OAS3: variants seen among roughly 807,000 people sequenced by gnomAD.
OAS3 encodes 2'-5'-oligoadenylate synthetase 3, also known as 2'-5'-oligoadenylate synthase 3.
OAS3 carries 107 observed loss-of-function variants against 113.0 expected under a neutral mutation model. The observed-to-expected ratio is 0.95, with a 90% CI of 0.81 to 1.11. The LOEUF (loss-of-function observed/expected upper bound fraction) is 1.11. OAS3 is among the 50% of genes most tolerant of loss of function. The pLI is 0.00. For synonymous variants in OAS3, 552 were observed against 573.6 expected (o/e 0.96, Z 0.54); for missense variants, 1,258 against 1,389.1 (o/e 0.91, Z 1.50).
Position 112,967,843 on chromosome 12 carries a change from A to T in OAS3, c.2866-93A>T, listed in dbSNP as rs902446768. On this transcript the variant is annotated intron_variant, in intron 13 of 15. Transcript: ENST00000228928. ...CTGGCACATGTAGGTGCTCAATAAA[A>T]GTTTTGGGGTTGCTTTGCCAAGTCC... 4.2e-6 allele frequency: 6 copies of T among 1,427,526 alleles called. No homozygotes were observed. In the Admixed American group the frequency reaches 1.5e-4, roughly 36 times the overall value. 88.4% of individuals were successfully genotyped at this position (1,427,526 alleles called of 1,614,324 possible).
At chr12:112,960,992 G>A (rs1201174972) in intron 7 of OAS3, 79 bp from the exon 8 acceptor site, 13 of 1,331,442 alleles carry the variant, frequency 9.8e-6, no homozygotes, top group East Asian at 2.4e-5. Context: ...TATTCATAAA[G>A]GCTGGTGAAT....
At chr12:112,969,057 T>G (rs1331644476) in intron 14 of OAS3, among the ~76,000 whole-genome samples, 1 of 152,198 alleles carries the variant, frequency 6.6e-6, no homozygotes, top group Admixed American at 6.5e-5. Context: ...CAGCTAGTAG[T>G]GTCCAAAGGT....
chr12:112,969,786 C>G (rs2043968053), intron 15 of OAS3, 31 bp downstream of exon 15: 16 of 1,609,164 alleles, frequency 9.9e-6, no homozygotes, highest in Non-Finnish European at 1.3e-5. Context: ...AAGGAAGTAC[C>G]CTTTAGGGGT....
In OAS3 at chr12:112,969,641, C is replaced by T; in HGVS notation, c.3138C>T (p.Gly1046=). The T allele has an allele frequency of 6.2e-7, 1 of 1,605,518 alleles. No homozygotes were observed. The highest frequency in any genetic ancestry group is 8.5e-7 in the Non-Finnish European group (1 of 1,176,006). The change falls in exon 15 of 16, where the codon GGC becomes GGT. Residue 1046 remains glycine (G), a synonymous_variant. Coordinates refer to ENST00000228928, the MANE Select transcript of OAS3 (RefSeq NM_006187.4). ...PIILDPADPT[G]NLGHNARWDL... The stretch of plus-strand genomic sequence containing the variant: ...TCCTGGATCCGGCTGACCCGACAGG[C>T]AACCTGGGCCACAATGCCCGCTGGG...
intron 3 of OAS3, chr12:112,944,964 G>A (rs1482388767): frequency 5.1e-6 from 2 of 392,730 alleles, no homozygotes; most frequent in Non-Finnish European, 9.7e-6. Flanking sequence ...ACAGTTTAAT[G>A]TACTCAGATA....
At chr12:112,950,044 A>T (rs574660547) in intron 6 of OAS3, among the ~76,000 whole-genome samples, 2 of 152,176 alleles carry the variant, frequency 1.3e-5, no homozygotes, top group South Asian at 4.1e-4. Context: ...ATAAAAATAA[A>T]ATTGCAGTCT....
chr12:112,944,447 C>T, intron 2 of OAS3, 29 bp from the exon 3 acceptor site: 2 of 1,613,614 alleles, frequency 1.2e-6, no homozygotes, highest in South Asian at 1.1e-5. Context: ...TCAGTGCCCT[C>T]CCTAACTCAC....
intron 6 of OAS3, 71 bp from the exon 7 acceptor site, chr12:112,950,622 G>A: frequency 6.4e-7 from 1 of 1,556,208 alleles, no homozygotes; most frequent in South Asian, 1.2e-5. Context: ...ATGGGGCGCA[G>A]GTGATGGGAT....
In OAS3 at chr12:112,949,690, G is replaced by A. The variant is rs536272901; in HGVS notation, c.1374+485G>A. Among the ~76,000 whole-genome samples the A allele has an allele frequency of 1.4e-3, 218 of 152,198 alleles. 1 individual carries two copies. Among genetic ancestry groups the A allele is most frequent in the South Asian group, 9.4e-3 (45 of 4,812 alleles). Reference sequence around the variant, plus strand: ...TCCTCTTCAAGTTTCTTGATCTGATGTCCTCGTCCACTGAGGCCTGACCAC... The same window carrying A: ...TCCTCTTCAAGTTTCTTGATCTGATATCCTCGTCCACTGAGGCCTGACCAC... On this transcript the variant is annotated intron_variant, in intron 6 of 15. Coordinates refer to ENST00000228928, the MANE Select transcript of OAS3 (RefSeq NM_006187.4).
At chr12:112,948,778 G>A in intron 5 of OAS3, 83 bp from the exon 6 acceptor site, 1 of 1,090,416 alleles carries the variant, frequency 9.2e-7, no homozygotes, top group Non-Finnish European at 1.3e-6. Flanking sequence ...CTGTACAAAG[G>A]GCGGGAGCTG....
rs1282863357 is a variant in OAS3, at chr12:112,954,929, A to G, written c.1657+3954A>G. On this transcript the variant is annotated intron_variant, in intron 7 of 15. Coordinates refer to ENST00000228928, the MANE Select transcript of OAS3 (RefSeq NM_006187.4). The surrounding 1 kb of genome is among the most constrained non-coding windows in gnomAD (Gnocchi z 4.0). ...CCTTGGGCAATATGGCCATTTTCACAATATTGATTCTTCCTATCCATGAGC... is the reference window on the plus strand; with the variant it reads ...CCTTGGGCAATATGGCCATTTTCACGATATTGATTCTTCCTATCCATGAGC... 6.6e-6 allele frequency among the ~76,000 whole-genome samples: 1 copy of G among 152,190 alleles called. No homozygotes were observed. The highest frequency in any genetic ancestry group is 1.5e-5 in the Non-Finnish European group (1 of 68,028).
At chr12:112,960,477 G>A (rs2043872165) in intron 7 of OAS3, among the ~76,000 whole-genome samples, 1 of 150,690 alleles carries the variant, frequency 6.6e-6, no homozygotes, top group Non-Finnish European at 1.5e-5. Flanking sequence ...AGACTCAATT[G>A]TAGCTTCCTC....
Position 112,972,939 on chromosome 12 carries a change from GATACA to G in OAS3, c.*2968_*2972del, listed in dbSNP as rs2043998757. ...TTAATTTTTAAAAAGTTTTTATTGA[GATACA>G]AGTCAATACCATAAAGCTCTCACCC... On this transcript the variant is annotated 3_prime_UTR_variant, in exon 16 of 16. Transcript: ENST00000228928. 1 of 151,184 alleles carries G rather than the reference GATACA, an allele frequency of 6.6e-6. No homozygotes were observed. Among genetic ancestry groups the G allele is most frequent in the East Asian group, 1.9e-4 (1 of 5,190 alleles). 9.4% of individuals were successfully genotyped at this position (151,184 alleles called of 1,614,324 possible).
chr12:112,961,767 T>C (rs186121709), intron 8 of OAS3, among the ~76,000 whole-genome samples: 1 of 152,200 alleles, frequency 6.6e-6, no homozygotes, highest in East Asian at 1.9e-4. Context: ...TCCAAGGCTT[T>C]TGGGTTACAT....
At position 112,972,097 on chromosome 12, in the gene OAS3, A is replaced by G. The variant is rs900836322; in HGVS notation, c.*2124A>G. ...GGCCCTGGCCTGGGCATCACAAGCC[A>G]GTGATGCTCCTGGGAAGACCAGGTG... On this transcript the variant is annotated 3_prime_UTR_variant, in exon 16 of 16. Coordinates refer to ENST00000228928, the MANE Select transcript of OAS3 (RefSeq NM_006187.4). 2.0e-5 allele frequency: 3 copies of G among 152,374 alleles called. No individual in the cohort carries two copies. Among genetic ancestry groups the G allele is most frequent in the Admixed American group, 6.5e-5 (1 of 15,306 alleles). 9.4% of individuals were successfully genotyped at this position (152,374 alleles called of 1,614,324 possible). A position where few individuals can be genotyped will look rare whatever the true frequency, so the allele number is the denominator to read the frequency against.
intron 2 of OAS3, 84 bp from the exon 3 acceptor site, chr12:112,944,392 C>T (rs557927521): frequency 1.4e-6 from 2 of 1,470,236 alleles, no homozygotes; most frequent in East Asian, 2.3e-5. Context: ...TCTCTCAGCG[C>T]CCCAGGCTGA....
chr12:112,962,835 A>C lies in OAS3; in HGVS notation c.2017A>C (p.Thr673Pro). The C allele has an allele frequency of 1.2e-6, 2 of 1,613,910 alleles. No homozygotes were observed. Among genetic ancestry groups the C allele is most frequent in the East Asian group, 4.5e-5 (2 of 44,878 alleles). ...GCATCAGCAGCTCTGTGTCTACTGG[A>C]CGGTCAACTATAGCACTGAGGACCC... ...QQHQQLCVYW[T>P]VNYSTEDPAM... The change falls in exon 9 of 16, where the codon ACG becomes CCG. Residue 673 changes from threonine (T) to proline (P), a missense_variant. Physicochemically the swap from Thr to Pro is conservative, Grantham distance 38 (BLOSUM62 -1). Transcript: ENST00000228928.
Position 112,965,848 on chromosome 12 carries a change from G to A in OAS3, c.2508G>A (p.Arg836=). The A allele has an allele frequency of 6.2e-7, 1 of 1,613,844 alleles. No individual in the cohort carries two copies. The highest frequency in any genetic ancestry group is 8.5e-7 in the Non-Finnish European group (1 of 1,179,832). The part of the protein sequence containing the change: ...FSQFTEQGNK[R]AEIISEIRAQ... ...AGTTCACTGAGCAGGGCAACAAGCG[G>A]GCCGAGATCATCTCCGAGATCCGAG... Residue 836 remains arginine, a synonymous_variant, in exon 12 of 16, where the codon CGG becomes CGA. Transcript: ENST00000228928.
chr12:112,938,475 GAA>G lies in OAS3; in HGVS notation c.-54_-53del. Reference sequence around the variant, plus strand: ...AGAGCCGGGCGGGAAAACGAAACCAGAAATCCGAAGGCCGCGCCAGAGCCCTG... The same window carrying G: ...AGAGCCGGGCGGGAAAACGAAACCAGATCCGAAGGCCGCGCCAGAGCCCTG... On this transcript the variant is annotated 5_prime_UTR_variant, in exon 1 of 16. Coordinates refer to ENST00000228928, the MANE Select transcript of OAS3 (RefSeq NM_006187.4). 1 of 1,470,972 alleles carries G rather than the reference GAA, an allele frequency of 6.8e-7. No individual in the cohort carries two copies. The highest frequency in any genetic ancestry group is 9.0e-7 in the Non-Finnish European group (1 of 1,108,610). 91.1% of individuals were successfully genotyped at this position (1,470,972 alleles called of 1,614,324 possible).
Sources: allele counts gnomAD v4.1 joint callset (sites outside exome capture counted in the v4.1 genomes callset), GRCh38; gene constraint gnomAD v4.1.1; non-coding constraint Gnocchi (gnomAD v3.1); transcripts MANE v1.5; gene names NCBI Gene and HGNC (gene_info 2026-07-23, HGNC 2026-07-21).